Variants in COL12A1 observed in about 807,000 individuals in gnomAD.
COL12A1 encodes collagen type XII alpha 1 chain.
Under a neutral mutation model 349.7 loss-of-function variants are expected in COL12A1, and 114 were observed. The observed-to-expected ratio is 0.33, with a 90% CI of 0.28 to 0.38. COL12A1 has a LOEUF of 0.38. COL12A1 is among the 10% of genes least tolerant of loss of function. COL12A1 has a pLI of 1.00. For synonymous variants in COL12A1, 1,369 were observed against 1,329.0 expected (o/e 1.03, Z -0.66); for missense variants, 3,284 against 3,756.9 (o/e 0.87, Z 3.29).
chr6:75,190,705 G>A (rs958038580), intron 5 of COL12A1, among the ~76,000 whole-genome samples: 2 of 151,874 alleles, frequency 1.3e-5, no homozygotes, highest in African/African-American at 4.8e-5. Flanking sequence ...GCAGTCAGCT[G>A]ATAGGTAATA....
intron 23 of COL12A1, among the ~76,000 whole-genome samples, chr6:75,147,036 T>C (rs1767229274): frequency 6.6e-6 from 1 of 152,168 alleles, no homozygotes. Context: ...AATAATTTCA[T>C]ATGTCTCTGG....
At position 75,085,270 on chromosome 6, in the gene COL12A1, C is replaced by T. The variant is rs926482411; in HGVS notation, c.*1277G>A. On this transcript the variant is annotated 3_prime_UTR_variant, in exon 66 of 66. Transcript: ENST00000322507. ...GGCTCCTCTGCAGGCTCGTCTGCGC[C>T]GTAGTCCTCGTATTCCGCTGTCCGC... 2.1e-6 allele frequency: 1 copy of T among 470,866 alleles called. No homozygotes were observed. Among genetic ancestry groups the T allele is most frequent in the African/African-American group, 2.0e-5 (1 of 50,078 alleles). The allele number at this position is 470,866 out of a possible 1,614,324, so 29.2% of individuals were successfully genotyped here. A position where few individuals can be genotyped will look rare whatever the true frequency, so the allele number is the denominator to read the frequency against.
At chr6:75,193,244 AC>A (rs1770038231) in intron 3 of COL12A1, among the ~76,000 whole-genome samples, 1 of 152,138 alleles carries the variant, frequency 6.6e-6, no homozygotes, top group Admixed American at 6.6e-5. Flanking sequence ...GTTATTCCCA[AC>A]ATCTAGAAAC....
At chr6:75,191,213 T>C (rs1308618861) in intron 5 of COL12A1, among the ~76,000 whole-genome samples, 1 of 152,018 alleles carries the variant, frequency 6.6e-6, no homozygotes, top group African/African-American at 2.4e-5. Context: ...ACTAAGGCCA[T>C]GTAAATAACC....
At chr6:75,198,359 T>G (rs1030932650) in intron 2 of COL12A1, among the ~76,000 whole-genome samples, 1 of 151,812 alleles carries the variant, frequency 6.6e-6, no homozygotes, top group Non-Finnish European at 1.5e-5. Flanking sequence ...TATACGTATT[T>G]TTAATATATA....
At chr6:75,106,101 G>T (rs192231522) in intron 53 of COL12A1, among the ~76,000 whole-genome samples, 35 of 152,236 alleles carry the variant, frequency 2.3e-4, no homozygotes, top group African/African-American at 8.4e-4. Context: ...AAAGGTGCTG[G>T]CTTGTTTTGT....
chr6:75,141,947 A>G, intron 27 of COL12A1, 85 bp downstream of exon 27: 8 of 1,523,268 alleles, frequency 5.3e-6, no homozygotes, highest in Non-Finnish European at 6.3e-6. Context: ...GGTAGCATTA[A>G]GAAACAAAAT....
At chr6:75,107,396 A>T (rs1008182972) in intron 52 of COL12A1, among the ~76,000 whole-genome samples, 2 of 151,522 alleles carry the variant, frequency 1.3e-5, no homozygotes, top group Non-Finnish European at 2.9e-5. Context: ...TCAGCCTCCC[A>T]ATTAGCTGGC....
chr6:75,164,840 C>CAA (rs141997276), intron 14 of COL12A1, among the ~76,000 whole-genome samples: 5,286 of 144,800 alleles, frequency 0.037, 226 homozygotes, highest in East Asian at 0.13. Flanking sequence ...TAATTATTTA[C>CAA]AAAAAAAAAA....
At chr6:75,108,437 T>A (rs12663939) in intron 52 of COL12A1, among the ~76,000 whole-genome samples, 5,987 of 152,164 alleles carry the variant, frequency 0.039, 212 homozygotes, top group East Asian at 0.19. Flanking sequence ...ATGACAACTT[T>A]AGATTTAAAT....
chr6:75,160,247 T>C (rs1767970055), intron 14 of COL12A1, among the ~76,000 whole-genome samples: 1 of 152,182 alleles, frequency 6.6e-6, no homozygotes, highest in Non-Finnish European at 1.5e-5. Context: ...TGCCATAAAT[T>C]AGAAGGGCAA....
chr6:75,194,954 AAG>A lies in COL12A1; in HGVS notation c.74-9_74-8del, dbSNP rs756206757. On this transcript the variant is annotated splice_polypyrimidine_tract_variant and splice_region_variant and intron_variant, in intron 2 of 65. Transcript: ENST00000322507. ...AAGTCTGAAGGTGGGTCAACTGCAAAAGAGAGAGTTTATATTATTAAACTTTT... is the reference window on the plus strand; with the variant it reads ...AAGTCTGAAGGTGGGTCAACTGCAAAAGAGAGTTTATATTATTAAACTTTT... 1.0e-5 allele frequency: 15 copies of A among 1,500,390 alleles called. No individual in the cohort carries two copies. The highest frequency in any genetic ancestry group is 5.3e-5 in the Admixed American group (3 of 57,054). The allele number at this position is 1,500,390 out of a possible 1,614,324, so 92.9% of individuals were successfully genotyped here.
rs2149318722 is a variant in COL12A1, at chr6:75,085,094, A to G, written c.*1453T>C. On this transcript the variant is annotated 3_prime_UTR_variant, in exon 66 of 66. Coordinates refer to ENST00000322507, the MANE Select transcript of COL12A1 (RefSeq NM_004370.6). ...CTCCTGGATGAGCAACGCTGGAAGA[A>G]ACACCTCAGAAAAGACGTACACTGC... 2.8e-6 allele frequency: 1 copy of G among 359,900 alleles called. No individual in the cohort carries two copies. Among genetic ancestry groups the G allele is most frequent in the African/African-American group, 2.1e-5 (1 of 47,118 alleles). The allele number at this position is 359,900 out of a possible 1,614,324, so 22.3% of individuals were successfully genotyped here.
chr6:75,168,644 C>A (rs899158243), intron 13 of COL12A1, among the ~76,000 whole-genome samples: 13 of 152,162 alleles, frequency 8.5e-5, no homozygotes, highest in African/African-American at 3.1e-4. Context: ...AGTACTGGTG[C>A]CTTCTAAATA....
intron 31 of COL12A1, among the ~76,000 whole-genome samples, chr6:75,137,181 A>T (rs970282403): frequency 2.6e-5 from 4 of 152,184 alleles, no homozygotes; most frequent in African/African-American, 9.7e-5. Context: ...GGAACTATGG[A>T]TGCATTGAAG....
At chr6:75,155,960 C>T (rs935092216) in intron 15 of COL12A1, 106 bp from the exon 16 acceptor site, 2 of 1,184,614 alleles carry the variant, frequency 1.7e-6, no homozygotes, top group African/African-American at 1.6e-5. Flanking sequence ...GGGTTTAAGT[C>T]CGGTAGCACA....
intron 47 of COL12A1, among the ~76,000 whole-genome samples, chr6:75,116,943 A>G (rs1367454499): frequency 6.6e-6 from 1 of 152,122 alleles, no homozygotes; most frequent in Non-Finnish European, 1.5e-5. Flanking sequence ...TCTAAACCCA[A>G]ACAAACAAAT....
At chr6:75,100,724 G>A (rs1768267857) in intron 58 of COL12A1, among the ~76,000 whole-genome samples, 1 of 152,188 alleles carries the variant, frequency 6.6e-6, no homozygotes, top group African/African-American at 2.4e-5. Flanking sequence ...GCCCAATGGT[G>A]TCTTGGAGGT....
chr6:75,102,157 T>A, intron 56 of COL12A1, 105 bp from the exon 57 acceptor site: 1 of 1,154,446 alleles, frequency 8.7e-7, no homozygotes, highest in Non-Finnish European at 1.3e-6. Flanking sequence ...ATAAATCCAG[T>A]GTAAGCGTTC....
Sources: allele counts gnomAD v4.1 joint callset (sites outside exome capture counted in the v4.1 genomes callset), GRCh38; gene constraint gnomAD v4.1.1; transcripts MANE v1.5; gene names NCBI Gene and HGNC (gene_info 2026-07-23, HGNC 2026-07-21).